ATRNL1: variants seen among roughly 807,000 people sequenced by gnomAD.
ATRNL1 encodes attractin-like protein 1.
Under a neutral mutation model 182.7 loss-of-function variants are expected in ATRNL1, and 95 were observed. The observed-to-expected ratio is 0.52, with a 90% CI of 0.44 to 0.62. The LOEUF (loss-of-function observed/expected upper bound fraction) is 0.62. ATRNL1 is among the 20% of genes least tolerant of loss of function. The probability of loss-of-function intolerance (pLI) is 0.00; values close to 1 mark genes in which losing one functional copy is unlikely to be tolerated. For synonymous variants in ATRNL1, 576 were observed against 568.3 expected, an observed-to-expected ratio of 1.01 and a Z score of -0.19; for missense variants, 1,471 against 1,679.5, an observed-to-expected ratio of 0.88 and a Z score of 2.17.
chr10:115,599,519 G>A (rs1856470629), intron 26 of ATRNL1, among the ~76,000 whole-genome samples: 1 of 115,200 alleles, frequency 8.7e-6, no homozygotes, highest in Non-Finnish European at 1.9e-5. Flanking sequence ...TTTAAGTAAA[G>A]TAAACCCGGA....
At chr10:115,337,004 C>T (rs374291184) in intron 19 of ATRNL1, among the ~76,000 whole-genome samples, 40 of 151,150 alleles carry the variant, frequency 2.6e-4, no homozygotes, top group African/African-American at 8.7e-4. Context: ...CAGGGGCCCG[C>T]CACCATGCCT....
At chr10:115,505,193 A>G (rs1554981004) in intron 24 of ATRNL1, among the ~76,000 whole-genome samples, 1 of 152,122 alleles carries the variant, frequency 6.6e-6, no homozygotes, top group Admixed American at 6.6e-5. Flanking sequence ...CAGACTACAT[A>G]TATTTTAACT....
At chr10:115,151,647 A>C (rs1554880642) in intron 5 of ATRNL1, among the ~76,000 whole-genome samples, 1 of 152,048 alleles carries the variant, frequency 6.6e-6, no homozygotes, top group South Asian at 2.1e-4. Context: ...CATTGCAAAA[A>C]CTTTCTCCCA....
intron 26 of ATRNL1, among the ~76,000 whole-genome samples, chr10:115,612,425 A>G (rs924037044): frequency 5.3e-5 from 8 of 152,352 alleles, no homozygotes; most frequent in African/African-American, 1.2e-4. Flanking sequence ...TACTCATTCT[A>G]TTCTGGAGTG....
At chr10:115,372,759 GTT>G (rs1857463641) in intron 19 of ATRNL1, among the ~76,000 whole-genome samples, 1 of 151,868 alleles carries the variant, frequency 6.6e-6, no homozygotes, top group Non-Finnish European at 1.5e-5. Context: ...GTATCATGGT[GTT>G]CTGATTACTA....
intron 4 of ATRNL1, among the ~76,000 whole-genome samples, chr10:115,128,934 T>A (rs1427568375): frequency 5.3e-5 from 8 of 152,182 alleles, no homozygotes; most frequent in African/African-American, 1.9e-4. Context: ...ACAACCAAGT[T>A]ATATCTTGAC....
At chr10:115,142,940 A>G (rs1554878393) in intron 5 of ATRNL1, among the ~76,000 whole-genome samples, 1 of 152,212 alleles carries the variant, frequency 6.6e-6, no homozygotes, top group Non-Finnish European at 1.5e-5. Flanking sequence ...GATTTTAGGA[A>G]GAATATTTGG....
At chr10:115,105,039 T>C (rs1296157044) in intron 1 of ATRNL1, among the ~76,000 whole-genome samples, 1 of 152,164 alleles carries the variant, frequency 6.6e-6, no homozygotes, top group Non-Finnish European at 1.5e-5. Context: ...CTATTCTGGG[T>C]CTTTTTGGCT....
At chr10:115,839,297 G>C (rs1333470604) in intron 27 of ATRNL1, among the ~76,000 whole-genome samples, 1 of 152,094 alleles carries the variant, frequency 6.6e-6, no homozygotes, top group South Asian at 2.1e-4. Flanking sequence ...GGCTGCCCAT[G>C]ACCCACTGTG....
rs1450426619 is a variant in ATRNL1 at position 115,364,131 on chromosome 10, T to C, written c.3175+29712T>C. 1.9e-3 allele frequency among the ~76,000 whole-genome samples: 281 copies of C among 144,768 alleles called. 4 individuals are homozygous for C. Among genetic ancestry groups the C allele is most frequent in the Middle Eastern group, 7.1e-3 (2 of 282 alleles). The allele number at this position is 144,768 out of a possible 152,430, so 95.0% of individuals were successfully genotyped here. ...GGGCAGTATGGGCATTTTCACGATA[T>C]TGATTCTTCCTACCCGTGAGCATGG... On this transcript the variant is annotated intron_variant, in intron 19 of 28. Transcript: ENST00000355044.
At chr10:115,379,070 TG>T (rs1309064318) in intron 19 of ATRNL1, among the ~76,000 whole-genome samples, 1 of 152,200 alleles carries the variant, frequency 6.6e-6, no homozygotes, top group African/African-American at 2.4e-5. Flanking sequence ...TAACTTTTTT[TG>T]CATCTTTTTT....
At chr10:115,181,411 A>G (rs2144161034) in intron 8 of ATRNL1, among the ~76,000 whole-genome samples, 1 of 151,860 alleles carries the variant, frequency 6.6e-6, no homozygotes, top group Middle Eastern at 3.4e-3. Context: ...AGGCCTAACT[A>G]TTTGCGAAGA....
intron 24 of ATRNL1, among the ~76,000 whole-genome samples, chr10:115,487,676 CAG>C (rs1849090348): frequency 6.6e-6 from 1 of 152,164 alleles, no homozygotes; most frequent in Non-Finnish European, 1.5e-5. Context: ...CCTCTGCAAA[CAG>C]AGACAATTTG....
At chr10:115,162,562 G>T (rs901606825) in intron 6 of ATRNL1, among the ~76,000 whole-genome samples, 1 of 151,290 alleles carries the variant, frequency 6.6e-6, no homozygotes, top group African/African-American at 2.4e-5. Context: ...TCATGGGAGG[G>T]TTTTGAGCAT....
chr10:115,888,685 G>C (rs1028736690), intron 28 of ATRNL1, among the ~76,000 whole-genome samples: 4 of 152,118 alleles, frequency 2.6e-5, no homozygotes, highest in South Asian at 2.1e-4. Flanking sequence ...ACCATTAGTT[G>C]CTGCAAAAGA....
chr10:115,559,366 C>A (rs73375311), intron 26 of ATRNL1, among the ~76,000 whole-genome samples: 1,945 of 152,210 alleles, frequency 0.013, 33 homozygotes, highest in African/African-American at 0.044. Context: ...TATTAGAGAA[C>A]TCTTTCCAGT....
intron 27 of ATRNL1, among the ~76,000 whole-genome samples, chr10:115,828,545 C>T (rs1565415962): frequency 6.6e-6 from 1 of 152,186 alleles, no homozygotes; most frequent in Non-Finnish European, 1.5e-5. Context: ...ACAATGTTTG[C>T]TTCTCACTCT....
chr10:115,598,350 A>ATTTT (rs60852354), intron 26 of ATRNL1, among the ~76,000 whole-genome samples: 41 of 145,856 alleles, frequency 2.8e-4, no homozygotes, highest in Non-Finnish European at 5.1e-4. Context: ...ATTTAAAAAA[A>ATTTT]TTATTTATTT....
intron 26 of ATRNL1, among the ~76,000 whole-genome samples, chr10:115,626,345 T>C (rs1342043722): frequency 6.6e-6 from 1 of 152,178 alleles, no homozygotes; most frequent in Non-Finnish European, 1.5e-5. Flanking sequence ...TCAACATAGG[T>C]TCATTTTAAA....
Sources: allele counts gnomAD v4.1 joint callset (sites outside exome capture counted in the v4.1 genomes callset), GRCh38; gene constraint gnomAD v4.1.1; transcripts MANE v1.5; gene names NCBI Gene and HGNC (gene_info 2026-07-23, HGNC 2026-07-21).